The following RHOBTB2 variants were observed in gnomAD, a reference collection of about 807,000 sequenced individuals.
RHOBTB2 encodes rho-related BTB domain-containing protein 2.
A neutral mutation model predicts 66.5 loss-of-function variants in RHOBTB2; 39 were observed. That is an observed-to-expected ratio of 0.59 (90% CI 0.45 to 0.77). The LOEUF (loss-of-function observed/expected upper bound fraction) is 0.77, where lower values mean the gene tolerates loss of function less well. RHOBTB2 is among the 30% of genes least tolerant of loss of function. The probability of loss-of-function intolerance (pLI) is 0.00; values close to 1 mark genes in which losing one functional copy is unlikely to be tolerated. For missense variants in RHOBTB2, 755 were observed against 999.1 expected (o/e 0.76, Z 3.29); for synonymous variants, 390 against 395.0 (o/e 0.99, Z 0.15).
In RHOBTB2 at chr8:22,988,425, G is replaced by T. The variant is rs550732659; in HGVS notation, c.-137+862G>T. ...GACCCGCCCACCTCGGCCTCCCAAAGTGTTGGGATTACAGGCGTGAGCCAC... is the reference window on the plus strand; with the variant it reads ...GACCCGCCCACCTCGGCCTCCCAAATTGTTGGGATTACAGGCGTGAGCCAC... On this transcript the variant is annotated intron_variant, in intron 1 of 11. Coordinates refer to the RHOBTB2 transcript ENST00000519685. Among the ~76,000 whole-genome samples, 55 of 152,102 alleles carry T rather than the reference G, an allele frequency of 3.6e-4. No homozygotes were observed. In the South Asian group the frequency reaches 0.011, roughly 32 times the overall value.
At chr8:22,972,966 A>G in the RHOBTB2 span, among the ~76,000 whole-genome samples, 71,618 of 152,054 alleles carry the variant, frequency 0.47, 18,236 homozygotes, top group African/African-American at 0.66. Context: ...GCTCTCCACC[A>G]GGCCCCTGCG....
At chr8:22,977,607 T>C in the RHOBTB2 span, among the ~76,000 whole-genome samples, 1 of 151,298 alleles carries the variant, frequency 6.6e-6, no homozygotes, top group African/African-American at 2.4e-5. Flanking sequence ...AGAACAAATT[T>C]GCAAAGAAGC....
the RHOBTB2 span, among the ~76,000 whole-genome samples, chr8:22,968,058 AG>A: frequency 6.6e-5 from 10 of 151,956 alleles, no homozygotes; most frequent in Non-Finnish European, 1.2e-4. Flanking sequence ...CAGGAGGCTG[AG>A]GTGGGAGGAT....
At chr8:22,964,986 T>A in the RHOBTB2 span, among the ~76,000 whole-genome samples, 3 of 151,880 alleles carry the variant, frequency 2.0e-5, no homozygotes, top group African/African-American at 4.8e-5. Context: ...CAGGCTAATT[T>A]TTGTATTTTT....
At chr8:22,986,740 A>ACT (rs1810295662), upstream of RHOBTB2, among the ~76,000 whole-genome samples, 1 of 152,158 alleles carries the variant, frequency 6.6e-6, no homozygotes, top group Admixed American at 6.5e-5. Flanking sequence ...GAGCTATCAA[A>ACT]CCTATAGGAC....
the RHOBTB2 span, among the ~76,000 whole-genome samples, chr8:22,953,132 G>A: frequency 6.6e-5 from 10 of 152,124 alleles, no homozygotes; most frequent in African/African-American, 9.7e-5. Context: ...CATGTGCGGC[G>A]TGTTTACTGG....
chr8:22,951,244 C>CTTTTTT, the RHOBTB2 span, among the ~76,000 whole-genome samples: 39 of 87,956 alleles, frequency 4.4e-4, no homozygotes, highest in Non-Finnish European at 6.6e-4. Flanking sequence ...CTACTTAGCT[C>CTTTTTT]TTTTTTTTTT....
chr8:22,954,307 G>A, the RHOBTB2 span, among the ~76,000 whole-genome samples: 2 of 151,962 alleles, frequency 1.3e-5, no homozygotes, highest in South Asian at 4.2e-4. Context: ...CACCAGACAG[G>A]TTTTTTTTGT....
At position 23,000,027 on chromosome 8, in the gene RHOBTB2, A is replaced by G; in HGVS notation, c.-89A>G. ...ACTTGCAGGCGCGGAGGGACCCCTG[A>G]CATTTCACTAAAATGAGCGTGCTCA... is the stretch of plus-strand genomic sequence containing the variant. On this transcript the variant is annotated 5_prime_UTR_variant, in exon 1 of 10. Coordinates refer to ENST00000251822, the MANE Select transcript of RHOBTB2 (RefSeq NM_015178.3). 2.0e-6 allele frequency: 2 copies of G among 985,538 alleles called. No individual in the cohort carries two copies. The highest frequency in any genetic ancestry group is 1.7e-5 in the African/African-American group (1 of 57,362). 61.0% of individuals were successfully genotyped at this position (985,538 alleles called of 1,614,324 possible). A position where few individuals can be genotyped will look rare whatever the true frequency, so the allele number is the denominator to read the frequency against.
intron 2 of RHOBTB2, chr8:22,994,415 C>T (rs1471700237): frequency 3.7e-6 from 2 of 533,374 alleles, no homozygotes; most frequent in Non-Finnish European, 6.7e-6. Flanking sequence ...CCGCGCTGGA[C>T]CCGGACATCA....
Position 23,007,610 on chromosome 8 carries a change from C to T in RHOBTB2, c.1365C>T (p.Leu455=), listed in dbSNP as rs200197065. 60 of 1,614,126 alleles carry T rather than the reference C, an allele frequency of 3.7e-5. No individual in the cohort carries two copies. Among genetic ancestry groups the T allele is most frequent in the Middle Eastern group, 3.3e-4 (2 of 6,062 alleles). The change falls in exon 5 of 10, where the codon CTC becomes CTT. Residue 455 remains leucine, a synonymous_variant. Transcript: ENST00000251822. Reference sequence around the variant, plus strand: ...ACATTGCCCACATTGCTGAGCTGCTCGAGGTCTTTGATCTGCGCATGATGG... The same window carrying T: ...ACATTGCCCACATTGCTGAGCTGCTTGAGGTCTTTGATCTGCGCATGATGG... The part of the protein sequence containing the change: ...LMHIAHIAEL[L]EVFDLRMMVA...
chr8:22,979,792 T>C, the RHOBTB2 span, among the ~76,000 whole-genome samples: 1 of 138,436 alleles, frequency 7.2e-6, no homozygotes, highest in South Asian at 2.5e-4. Flanking sequence ...AGAGTCTCAC[T>C]CTGTCACCAG....
chr8:22,992,011 G>A (rs1161853863), intron 1 of RHOBTB2: 1 of 152,226 alleles, frequency 6.6e-6, no homozygotes, highest in Non-Finnish European at 1.5e-5. Context: ...TCATTGCAAT[G>A]TGATCATGTT....
At chr8:22,982,349 G>T in the RHOBTB2 span, among the ~76,000 whole-genome samples, 2 of 152,154 alleles carry the variant, frequency 1.3e-5, no homozygotes, top group African/African-American at 4.8e-5. Flanking sequence ...GGCCAGGCTC[G>T]ATGGCTCATG....
rs1810987922 is a variant in RHOBTB2 at position 23,007,177 on chromosome 8, C to A, written c.932C>A (p.Pro311Gln). The change falls in exon 5 of 10, where the codon CCA (proline) becomes CAA (glutamine). Residue 311 changes from proline to glutamine, a missense_variant. By Grantham distance (76) the Pro-to-Gln change is moderately conservative. This residue lies in a region of RHOBTB2 where 247 missense variants were observed against 238.9 expected (regional missense o/e 1.03). Transcript: ENST00000251822. Reference sequence around the variant, plus strand: ...GGGGAGCTGGGGGGCCCCTCGGAGCCAGGGGGCACCCACCCAGAGGACCAC... The same window carrying A: ...GGGGAGCTGGGGGGCCCCTCGGAGCAAGGGGGCACCCACCCAGAGGACCAC... ...SEGELGGPSE[P>Q]GGTHPEDHQG... 4 of 1,604,156 alleles carry A rather than the reference C, an allele frequency of 2.5e-6. No homozygotes were observed. In the East Asian group the frequency reaches 8.9e-5, roughly 36 times the overall value.
chr8:22,986,841 G>T (rs1312671598), upstream of RHOBTB2, among the ~76,000 whole-genome samples: 1 of 152,216 alleles, frequency 6.6e-6, no homozygotes, highest in East Asian at 1.9e-4. Flanking sequence ...TGCTTCACAT[G>T]TCTCCCGGCT....
At chr8:23,016,997 A>C (rs751802875) in intron 9 of RHOBTB2, among the ~76,000 whole-genome samples, 55 of 152,000 alleles carry the variant, frequency 3.6e-4, no homozygotes, top group Non-Finnish European at 7.2e-4. Flanking sequence ...TTCCCAACGC[A>C]CAGGAAGCCC....
intron 1 of RHOBTB2, among the ~76,000 whole-genome samples, chr8:23,002,868 A>T (rs1810826585): frequency 6.6e-6 from 1 of 152,196 alleles, no homozygotes; most frequent in African/African-American, 2.4e-5. Context: ...TCCTTGCTGC[A>T]CTTTTTGCTT....
chr8:23,007,876 G>A, intron 5 of RHOBTB2, 117 bp from the exon 6 acceptor site: 1 of 1,490,502 alleles, frequency 6.7e-7, no homozygotes, highest in South Asian at 1.2e-5. Flanking sequence ...CCAGCTGGGA[G>A]CGGGTTTGTT....
Sources: allele counts gnomAD v4.1 joint callset (sites outside exome capture counted in the v4.1 genomes callset), GRCh38; gene constraint gnomAD v4.1.1; regional missense constraint gnomAD v4.1.1; transcripts MANE v1.5; gene names NCBI Gene and HGNC (gene_info 2026-07-23, HGNC 2026-07-21).